Variants in TRIM29 observed in about 807,000 individuals in gnomAD.
The protein encoded by TRIM29 is tripartite motif-containing protein 29.
Under a neutral mutation model 57.3 loss-of-function variants are expected in TRIM29, and 52 were observed. That is an observed-to-expected ratio of 0.91 (90% confidence interval 0.73 to 1.14). The LOEUF is 1.14. Among genes scored for constraint, TRIM29 ranks in the 50% most tolerant of loss-of-function variants. The probability of loss-of-function intolerance (pLI) is 0.00; values close to 1 mark genes in which losing one functional copy is unlikely to be tolerated. For missense variants in TRIM29, 753 were observed against 774.6 expected (o/e 0.97, Z 0.33); for synonymous variants, 319 against 316.9 (o/e 1.01, Z -0.07).
In TRIM29 at chr11:120,127,477, C is replaced by A. The variant is rs762009109; in HGVS notation, c.993G>T (p.Ala331=). The A allele has an allele frequency of 6.2e-7, 1 of 1,614,230 alleles. No individual in the cohort carries two copies. Among genetic ancestry groups the A allele is most frequent in the Non-Finnish European group, 8.5e-7 (1 of 1,180,046 alleles). The change falls in exon 3 of 9, where the codon GCG becomes GCT. Residue 331 remains alanine, a synonymous_variant. Coordinates refer to ENST00000341846, the MANE Select transcript of TRIM29 (RefSeq NM_012101.4). The stretch of plus-strand genomic sequence containing the variant: ...CAGCATCCTGCTCCCGCTGCTCCAG[C>A]GCAGCCCTCACTTCCTCCTTTTGCT... The part of the protein sequence containing the change: ...LEKQKEEVRA[A]LEQREQDAVD...
chr11:120,121,889 G>C (rs1292014754), intron 5 of TRIM29: 1 of 424,152 alleles, frequency 2.4e-6, no homozygotes, highest in Admixed American at 2.5e-5. Context: ...GCCAGGTAGG[G>C]GTTCTGAGGA....
chr11:120,122,808 A>T, intron 5 of TRIM29, 146 bp downstream of exon 5: 1 of 652,390 alleles, frequency 1.5e-6, no homozygotes, highest in Non-Finnish European at 2.8e-6. Context: ...TCAGGACAAC[A>T]CGTAGATGCC....
At chr11:120,116,901 T>C (rs1565312685) in intron 7 of TRIM29, 6 of 357,230 alleles carry the variant, frequency 1.7e-5, no homozygotes, top group South Asian at 1.3e-4. Flanking sequence ...GAGCCCCCCA[T>C]GTCCCACCTG....
intron 2 of TRIM29, among the ~76,000 whole-genome samples, chr11:120,127,898 C>A (rs926584271): frequency 6.6e-6 from 1 of 152,064 alleles, no homozygotes; most frequent in Non-Finnish European, 1.5e-5. Flanking sequence ...CTAACCAGAA[C>A]CAAACATTAT....
chr11:120,123,690 A>C, intron 4 of TRIM29: 2 of 343,746 alleles, frequency 5.8e-6, no homozygotes, highest in Non-Finnish European at 5.7e-6. Context: ...CCTCCACCCC[A>C]TTCCTTTCTC....
Position 120,112,480 on chromosome 11 carries a change from T to G in TRIM29, c.1705-4A>C, listed in dbSNP as rs372111842. ...CGTAGAATGGCCGGTAGTGAGACTGTGGGGGAAACAAGAGTGGTCAGCGAG... is the reference window on the plus strand; with the variant it reads ...CGTAGAATGGCCGGTAGTGAGACTGGGGGGGAAACAAGAGTGGTCAGCGAG... On this transcript the variant is annotated splice_region_variant and splice_polypyrimidine_tract_variant and intron_variant, in intron 8 of 8. Coordinates refer to ENST00000341846, the MANE Select transcript of TRIM29 (RefSeq NM_012101.4). The G allele has an allele frequency of 3.8e-4, 606 of 1,613,612 alleles. No individual in the cohort carries two copies. The highest frequency in any genetic ancestry group is 4.3e-4 in the Non-Finnish European group (504 of 1,179,742).
intron 6 of TRIM29, among the ~76,000 whole-genome samples, chr11:120,120,344 TACAC>T (rs71050727): frequency 0.029 from 4,001 of 138,130 alleles, 67 homozygotes; most frequent in Middle Eastern, 0.035. Context: ...CCCACACATG[TACAC>T]ACACACACAC....
Position 120,112,460 on chromosome 11 carries a change from A to G in TRIM29, c.1721T>C (p.Phe574Ser). ...AATCCCGTTGCCTTTGTTGACGTAG[A>G]ATGGCCGGTAGTGAGACTGTGGGGG... ...KQTMLSHYRP[F>S]YVNKGNGIGS... The change falls in exon 9 of 9, where the codon TTC (phenylalanine) becomes TCC (serine). Residue 574 changes from phenylalanine (F) to serine (S), a missense_variant. Physicochemically the swap from Phe to Ser is radical, Grantham distance 155. Coordinates refer to ENST00000341846, the MANE Select transcript of TRIM29 (RefSeq NM_012101.4). 6.2e-7 allele frequency: 1 copy of G among 1,613,332 alleles called. No individual in the cohort carries two copies. Among genetic ancestry groups the G allele is most frequent in the Non-Finnish European group, 8.5e-7 (1 of 1,179,738 alleles).
At chr11:120,115,248 C>G (rs998707158) in intron 8 of TRIM29, 90 bp downstream of exon 8, 1 of 1,318,368 alleles carries the variant, frequency 7.6e-7, no homozygotes, top group Admixed American at 2.0e-5. Context: ...AGTCCTCCCA[C>G]AGGCCCTGGA....
rs757787371 is a variant in TRIM29 at position 120,137,019 on chromosome 11, C to G, written c.804+209G>C. 1.3e-4 allele frequency among the ~76,000 whole-genome samples: 20 copies of G among 152,114 alleles called. No homozygotes were observed. Among genetic ancestry groups the G allele is most frequent in the Non-Finnish European group, 2.5e-4 (17 of 68,030 alleles). On this transcript the variant is annotated intron_variant, in intron 1 of 8. Coordinates refer to ENST00000341846, the MANE Select transcript of TRIM29 (RefSeq NM_012101.4). The surrounding 1 kb of genome is among the most constrained non-coding windows in gnomAD (Gnocchi z 6.2). ...TAGAAAATGTCCCTGTCTCCTGAGACCTTAGGGGATTGGGGAGCAACCTCT... is the reference window on the plus strand; with the variant it reads ...TAGAAAATGTCCCTGTCTCCTGAGAGCTTAGGGGATTGGGGAGCAACCTCT...
At chr11:120,128,876 C>T (rs539868995) in intron 1 of TRIM29, 17 of 1,460,250 alleles carry the variant, frequency 1.2e-5, no homozygotes, top group Non-Finnish European at 1.4e-5. Flanking sequence ...GAAGGGGATC[C>T]AGCCCAGCTC....
chr11:120,116,806 A>T (rs754469487), intron 7 of TRIM29: 1 of 224,804 alleles, frequency 4.4e-6, no homozygotes, highest in Non-Finnish European at 9.1e-6. Flanking sequence ...CCAGATAGAG[A>T]GTATGCTGGG....
At chr11:120,125,354 G>A in intron 4 of TRIM29, 1 of 321,520 alleles carries the variant, frequency 3.1e-6, no homozygotes, top group Non-Finnish European at 5.9e-6. Context: ...CCACACAGCT[G>A]CTGGGCTGGG....
intron 3 of TRIM29, 62 bp from the exon 4 acceptor site, chr11:120,125,951 C>T (rs1241662160): frequency 5.9e-6 from 9 of 1,535,950 alleles, no homozygotes; most frequent in Non-Finnish European, 7.1e-6. Context: ...GGACGCTTCT[C>T]TGCCAGGGGC....
In TRIM29 at chr11:120,112,215, A is replaced by G. The variant is rs1863151149; in HGVS notation, c.*199T>C. On this transcript the variant is annotated 3_prime_UTR_variant, in exon 9 of 9. Coordinates refer to ENST00000341846, the MANE Select transcript of TRIM29 (RefSeq NM_012101.4). Reference sequence around the variant, plus strand: ...GACCATCTGAGGTCACAAGGCAGGAAAGGAGTCTGAATGGAGTGTGGCCAG... The same window carrying G: ...GACCATCTGAGGTCACAAGGCAGGAGAGGAGTCTGAATGGAGTGTGGCCAG... 1 of 558,792 alleles carries G rather than the reference A, an allele frequency of 1.8e-6. No homozygotes were observed. The highest frequency in any genetic ancestry group is 2.0e-5 in the South Asian group (1 of 49,466). The allele number at this position is 558,792 out of a possible 1,614,324, so 34.6% of individuals were successfully genotyped here. A position where few individuals can be genotyped will look rare whatever the true frequency, so the allele number is the denominator to read the frequency against.
intron 3 of TRIM29, chr11:120,126,359 C>G (rs1460729136): frequency 6.5e-6 from 1 of 154,942 alleles, no homozygotes; most frequent in Non-Finnish European, 1.4e-5. Context: ...CCTGCCTCAG[C>G]CTCTCAAGTA....
In TRIM29 at chr11:120,112,978, G is replaced by C. The variant is rs569436558; in HGVS notation, c.1705-502C>G. The stretch of plus-strand genomic sequence containing the variant: ...GCAACTTGCCCAAGGTCACTCAGCT[G>C]GTAAGCAAGGAGCCAGAATCCAAGC... On this transcript the variant is annotated intron_variant, in intron 8 of 8. Transcript: ENST00000341846. 6.6e-5 allele frequency among the ~76,000 whole-genome samples: 10 copies of C among 152,252 alleles called. No individual in the cohort carries two copies. The East Asian group carries it at 1.7e-3, about 26-fold the overall frequency.
At chr11:120,132,886 T>C (rs1385417350) in intron 1 of TRIM29, among the ~76,000 whole-genome samples, 2 of 152,142 alleles carry the variant, frequency 1.3e-5, no homozygotes, top group African/African-American at 4.8e-5. Context: ...TTTTGCCTCC[T>C]CACAGCCTCA....
chr11:120,120,344 TACACACACACACAC>T (rs71050727), intron 6 of TRIM29, among the ~76,000 whole-genome samples: 60,686 of 138,064 alleles, frequency 0.44, 13,520 homozygotes, highest in East Asian at 0.52. Context: ...CCCACACATG[TACACACACACACAC>T]ACACACACAC....
Sources: allele counts gnomAD v4.1 joint callset (sites outside exome capture counted in the v4.1 genomes callset), GRCh38; gene constraint gnomAD v4.1.1; non-coding constraint Gnocchi (gnomAD v3.1); transcripts MANE v1.5; gene names NCBI Gene and HGNC (gene_info 2026-07-23, HGNC 2026-07-21).